Variants in FAM117B observed in about 807,000 individuals in gnomAD.
The protein encoded by FAM117B is family with sequence similarity 117 member B, also known as protein FAM117B.
FAM117B carries 22 observed loss-of-function variants against 52.8 expected under a neutral mutation model. That is an observed-to-expected ratio of 0.42 (90% CI 0.30 to 0.59). The LOEUF is 0.59. Among genes scored for constraint, FAM117B ranks in the 20% least tolerant of loss-of-function variants. FAM117B has a pLI of 0.22. For missense variants in FAM117B, 678 were observed against 802.6 expected (o/e 0.84, Z 1.88); for synonymous variants, 309 against 324.1 (o/e 0.95, Z 0.50).
intron 4 of FAM117B, among the ~76,000 whole-genome samples, chr2:202,752,011 A>G (rs1318963154): frequency 1.3e-5 from 2 of 152,146 alleles, no homozygotes; most frequent in Non-Finnish European, 2.9e-5. Context: ...GTAATACAGA[A>G]GCTTGAGGCT....
Position 202,665,558 on chromosome 2 carries a change from T to C in FAM117B, c.601+29770T>C, listed in dbSNP as rs115360738. Among the ~76,000 whole-genome samples, 1,302 of 152,278 alleles carry C rather than the reference T, an allele frequency of 8.6e-3. 25 individuals are homozygous for C. Among genetic ancestry groups the C allele is most frequent in the African/African-American group, 0.03 (1,230 of 41,550 alleles). ...ACATGATGTAATCGTGGATGTGATA[T>C]CTCGTTGTGTTTTCAGTCCTGGGGA... On this transcript the variant is annotated intron_variant, in intron 1 of 7. Coordinates refer to ENST00000392238, the MANE Select transcript of FAM117B (RefSeq NM_173511.4).
Position 202,635,673 on chromosome 2 carries a change from C to A in FAM117B, c.486C>A (p.Thr162=). The change falls in exon 1 of 8, where the codon ACC becomes ACA. Residue 162 remains threonine (T), a synonymous_variant. Transcript: ENST00000392238. Reference sequence around the variant, plus strand: ...GCTCGTCGCCCACCCACCTGTGGACCGGCGAGGTGAGCGCGGCCCCACCCC... The same window carrying A: ...GCTCGTCGCCCACCCACCTGTGGACAGGCGAGGTGAGCGCGGCCCCACCCC... The part of the protein sequence containing the change: ...SPSSSPTHLW[T]GEVSAAPPPA... 7.2e-7 allele frequency: 1 copy of A among 1,394,394 alleles called. No individual in the cohort carries two copies. The highest frequency in any genetic ancestry group is 9.3e-7 in the Non-Finnish European group (1 of 1,075,102). 86.4% of individuals were successfully genotyped at this position (1,394,394 alleles called of 1,614,324 possible).
In FAM117B at chr2:202,688,367, G is replaced by A. The variant is rs766680807; in HGVS notation, c.602-7514G>A. Among the ~76,000 whole-genome samples, 34 of 152,072 alleles carry A rather than the reference G, an allele frequency of 2.2e-4. 1 individual carries two copies. The highest frequency in any genetic ancestry group is 3.4e-4 in the Non-Finnish European group (23 of 68,012). On this transcript the variant is annotated intron_variant, in intron 1 of 7. Coordinates refer to ENST00000392238, the MANE Select transcript of FAM117B (RefSeq NM_173511.4). ...GCAGCCAGTGTCATCAGAATTTTGCGTTTCCTTCGTGTGTGTGTTGCAAGA... is the reference window on the plus strand; with the variant it reads ...GCAGCCAGTGTCATCAGAATTTTGCATTTCCTTCGTGTGTGTGTTGCAAGA...
chr2:202,731,033 G>A lies in FAM117B; in HGVS notation c.960+4670G>A, dbSNP rs1338147335. Among the ~76,000 whole-genome samples, 4 of 152,002 alleles carry A rather than the reference G, an allele frequency of 2.6e-5. No homozygotes were observed. In the South Asian group the frequency reaches 6.2e-4, roughly 24 times the overall value. ...TGTCTAAATTACATAAAGAACTCTT[G>A]CAACTCAGTAACTCACAAATCATAT... On this transcript the variant is annotated intron_variant, in intron 4 of 7. Coordinates refer to ENST00000392238, the MANE Select transcript of FAM117B (RefSeq NM_173511.4).
intron 1 of FAM117B, among the ~76,000 whole-genome samples, chr2:202,667,749 GC>G (rs1386724671): frequency 6.6e-6 from 1 of 152,036 alleles, no homozygotes; most frequent in Non-Finnish European, 1.5e-5. Context: ...GAAGTAGTAT[GC>G]TGGCTATATT....
intron 1 of FAM117B, among the ~76,000 whole-genome samples, chr2:202,650,065 G>A (rs888732516): frequency 1.3e-5 from 2 of 152,060 alleles, no homozygotes; most frequent in African/African-American, 2.4e-5. Context: ...AGTAGACACG[G>A]GGTTTCATCT....
At chr2:202,688,659 T>C (rs900475836) in intron 1 of FAM117B, among the ~76,000 whole-genome samples, 1 of 152,140 alleles carries the variant, frequency 6.6e-6, no homozygotes, top group African/African-American at 2.4e-5. Flanking sequence ...GTATGACTAT[T>C]TTAGAACTCA....
At chr2:202,733,910 T>C (rs1691397917) in intron 4 of FAM117B, among the ~76,000 whole-genome samples, 1 of 152,236 alleles carries the variant, frequency 6.6e-6, no homozygotes, top group Admixed American at 6.5e-5. Context: ...AGAGTATTAT[T>C]TGGGAACTGA....
At chr2:202,714,625 C>T (rs946567766) in intron 2 of FAM117B, among the ~76,000 whole-genome samples, 1 of 145,882 alleles carries the variant, frequency 6.9e-6, no homozygotes, top group African/African-American at 2.5e-5. Context: ...GGAAGGTCAG[C>T]AGATAAACAA....
At chr2:202,702,317 G>C (rs879622958) in intron 2 of FAM117B, among the ~76,000 whole-genome samples, 4 of 151,986 alleles carry the variant, frequency 2.6e-5, no homozygotes, top group African/African-American at 4.8e-5. Context: ...CTTGAACCCG[G>C]GAGGCAGAGG....
At chr2:202,715,860 A>G (rs1193830116) in intron 2 of FAM117B, among the ~76,000 whole-genome samples, 2 of 152,250 alleles carry the variant, frequency 1.3e-5, no homozygotes, top group Non-Finnish European at 2.9e-5. Flanking sequence ...CTGGCGGATC[A>G]CTTGCGGTTA....
chr2:202,637,148 T>C (rs13416384), intron 1 of FAM117B, among the ~76,000 whole-genome samples: 16,148 of 152,242 alleles, frequency 0.11, 2,875 homozygotes, highest in African/African-American at 0.37. Context: ...ACGCCCGCCT[T>C]GGCTTCCCAG....
intron 4 of FAM117B, among the ~76,000 whole-genome samples, chr2:202,733,298 C>T (rs1691386726): frequency 6.6e-6 from 1 of 152,202 alleles, no homozygotes; most frequent in Non-Finnish European, 1.5e-5. Flanking sequence ...TGATGAGCTT[C>T]TGTGTTCAGC....
chr2:202,726,468 T>C (rs1691247083), intron 4 of FAM117B, 105 bp downstream of exon 4: 2 of 743,316 alleles, frequency 2.7e-6, no homozygotes, highest in African/African-American at 3.5e-5. Flanking sequence ...CAAAAACATA[T>C]TTGAAACAGT....
intron 1 of FAM117B, among the ~76,000 whole-genome samples, chr2:202,661,216 G>A (rs762025038): frequency 1.3e-5 from 2 of 152,138 alleles, no homozygotes; most frequent in African/African-American, 2.4e-5. Context: ...ATGCTGTCCG[G>A]GTTTTTAGTG....
chr2:202,753,451 T>C lies in FAM117B; in HGVS notation c.961-2087T>C, dbSNP rs1238083293. 2.0e-5 allele frequency among the ~76,000 whole-genome samples: 3 copies of C among 152,124 alleles called. 1 individual carries two copies. Among genetic ancestry groups the C allele is most frequent in the African/African-American group, 4.8e-5 (2 of 41,422 alleles). ...GGCAATACCATTCAGGACACAGGCA[T>C]GGGCAAAGACTTCATGACAAAAACA... On this transcript the variant is annotated intron_variant, in intron 4 of 7. Coordinates refer to ENST00000392238, the MANE Select transcript of FAM117B (RefSeq NM_173511.4).
chr2:202,767,536 C>A lies in FAM117B; in HGVS notation c.*1772C>A, dbSNP rs1370451711. On this transcript the variant is annotated 3_prime_UTR_variant, in exon 8 of 8. Coordinates refer to ENST00000392238, the MANE Select transcript of FAM117B (RefSeq NM_173511.4). ...AGCATCCTTTTCATATCTTCATATA[C>A]TACTTTATGATGCAATAATTTACTG... The A allele has an allele frequency of 2.0e-5, 3 of 152,060 alleles. No homozygotes were observed. The highest frequency in any genetic ancestry group is 7.2e-5 in the African/African-American group (3 of 41,404). The allele number at this position is 152,060 out of a possible 1,614,324, so 9.4% of individuals were successfully genotyped here.
chr2:202,755,708 T>A, intron 5 of FAM117B, 27 bp downstream of exon 5: 1 of 1,591,696 alleles, frequency 6.3e-7, no homozygotes, highest in Non-Finnish European at 8.6e-7. Flanking sequence ...CTTAAAATCA[T>A]TCTTGAACTC....
At chr2:202,755,128 G>A (rs1016058244) in intron 4 of FAM117B, among the ~76,000 whole-genome samples, 3 of 152,000 alleles carry the variant, frequency 2.0e-5, no homozygotes, top group African/African-American at 7.3e-5. Flanking sequence ...AAGAGGGACT[G>A]TGCTAAACCA....
Sources: gnomAD v4.1 joint callset for allele counts (sites outside exome capture counted in the v4.1 genomes callset) on GRCh38, gnomAD v4.1.1 for gene constraint, MANE v1.5 for transcripts, NCBI Gene and HGNC (gene_info 2026-07-23, HGNC 2026-07-21) for gene names.